Variants in SLC39A14 observed in about 807,000 individuals in gnomAD.
SLC39A14 encodes the protein metal cation symporter ZIP14.
SLC39A14 carries 19 observed loss-of-function variants against 45.5 expected under a neutral mutation model. The ratio of observed to expected loss-of-function variants is 0.42; its 90% confidence interval spans 0.29 to 0.61. SLC39A14 has a LOEUF of 0.61. SLC39A14 is among the 20% of genes least tolerant of loss of function. The probability of loss-of-function intolerance (pLI) is 0.22; values close to 1 mark genes in which losing one functional copy is unlikely to be tolerated. For missense variants in SLC39A14, 447 were observed against 616.5 expected, an observed-to-expected ratio of 0.73 and a Z score of 2.91; for synonymous variants, 264 against 251.3, an observed-to-expected ratio of 1.05 and a Z score of -0.48.
At chr8:22,413,924 C>CA (rs941614922) in intron 4 of SLC39A14, among the ~76,000 whole-genome samples, 3 of 152,016 alleles carry the variant, frequency 2.0e-5, no homozygotes, top group Non-Finnish European at 2.9e-5. Context: ...ACAGGTGTGC[C>CA]ACCAGGCCCA....
intron 1 of SLC39A14, among the ~76,000 whole-genome samples, chr8:22,377,540 A>G (rs1047184558): frequency 6.6e-6 from 1 of 152,208 alleles, no homozygotes; most frequent in African/African-American, 2.4e-5. Context: ...TATGCTAAAG[A>G]ATATGAGTTT....
chr8:22,394,683 C>T (rs1189178718), intron 1 of SLC39A14, among the ~76,000 whole-genome samples: 1 of 152,248 alleles, frequency 6.6e-6, no homozygotes, highest in Non-Finnish European at 1.5e-5. Flanking sequence ...ACCATACTTT[C>T]TGCATTCCTG....
chr8:22,379,927 CAA>C (rs35093772), intron 1 of SLC39A14, among the ~76,000 whole-genome samples: 24 of 87,950 alleles, frequency 2.7e-4, no homozygotes, highest in Middle Eastern at 6.3e-3. Context: ...GACTCCATCT[CAA>C]AAAAAAAAAA....
At chr8:22,410,225 G>T in intron 3 of SLC39A14, 1 of 1,103,748 alleles carries the variant, frequency 9.1e-7, no homozygotes, top group Non-Finnish European at 1.3e-6. Flanking sequence ...TGCCACCTGA[G>T]AAATGAACCT....
At chr8:22,408,568 C>A in intron 3 of SLC39A14, 72 bp downstream of exon 3, 2 of 1,392,190 alleles carry the variant, frequency 1.4e-6, no homozygotes, top group Non-Finnish European at 1.9e-6. Flanking sequence ...CTGGGCTGAG[C>A]TGCTGCTGCT....
chr8:22,417,396 C>T (rs77204684), intron 7 of SLC39A14, among the ~76,000 whole-genome samples: 3 of 152,188 alleles, frequency 2.0e-5, no homozygotes, highest in African/African-American at 7.2e-5. Flanking sequence ...TGTCTTGTCA[C>T]TTCTGTCTTG....
chr8:22,421,063 A>G lies in SLC39A14; in HGVS notation c.*1365A>G, dbSNP rs910958515. On this transcript the variant is annotated 3_prime_UTR_variant, in exon 9 of 9. Transcript: ENST00000381237. ...AGGGGAGCTCTTCTCCAGGTTCACT[A>G]GGTGAATTGATTTATTATTATCATA... 3 of 985,682 alleles carry G rather than the reference A, an allele frequency of 3.0e-6. No individual in the cohort carries two copies. Among genetic ancestry groups the G allele is most frequent in the Middle Eastern group, 5.2e-4 (1 of 1,936 alleles). The allele number at this position is 985,682 out of a possible 1,614,324, so 61.1% of individuals were successfully genotyped here.
intron 1 of SLC39A14, among the ~76,000 whole-genome samples, chr8:22,369,372 G>C (rs1563462548): frequency 6.6e-6 from 1 of 152,174 alleles, no homozygotes; most frequent in Non-Finnish European, 1.5e-5. Flanking sequence ...GAGGACTTGG[G>C]GGCTGGAGCA....
chr8:22,369,834 G>GTTA (rs1390737171), intron 1 of SLC39A14, among the ~76,000 whole-genome samples: 1 of 152,092 alleles, frequency 6.6e-6, no homozygotes, highest in Non-Finnish European at 1.5e-5. Context: ...GGTGGAGTGG[G>GTTA]TTATTTAGGG....
At chr8:22,419,407 C>T in intron 8 of SLC39A14, 145 bp from the exon 9 acceptor site, 2 of 730,962 alleles carry the variant, frequency 2.7e-6, no homozygotes, top group Non-Finnish European at 4.6e-6. Context: ...TGGTCTCGAA[C>T]TCCTGACCTC....
chr8:22,381,013 G>A lies in SLC39A14; in HGVS notation c.-16+13605G>A, dbSNP rs896530815. Among the ~76,000 whole-genome samples, 116 of 151,402 alleles carry A rather than the reference G, an allele frequency of 7.7e-4. 1 individual carries two copies. The highest frequency in any genetic ancestry group is 2.5e-3 in the African/African-American group (105 of 41,224). ...TTTTTATACAGAGTCTTGCTCTGTC[G>A]CCCAGGCTAGAGTGCAGTGGCGCAA... On this transcript the variant is annotated intron_variant, in intron 1 of 8. Coordinates refer to ENST00000381237, the MANE Select transcript of SLC39A14 (RefSeq NM_001128431.4).
At position 22,416,298 on chromosome 8, in the gene SLC39A14, G is replaced by A. The variant is rs199563558; in HGVS notation, c.1147+18G>A. The A allele has an allele frequency of 2.0e-5, 32 of 1,608,156 alleles. No homozygotes were observed. The highest frequency in any genetic ancestry group is 2.2e-4 in the Middle Eastern group (1 of 4,634). ...TGAGCTAGGTAAGCGTGCGTCCCCC[G>A]TTCCACTGGTGCTCCCTTGGGTGGT... On this transcript the variant is annotated intron_variant, in intron 7 of 8. Coordinates refer to ENST00000381237, the MANE Select transcript of SLC39A14 (RefSeq NM_001128431.4).
intron 2 of SLC39A14, among the ~76,000 whole-genome samples, chr8:22,405,405 T>G (rs1466513809): frequency 6.6e-6 from 1 of 152,118 alleles, no homozygotes; most frequent in Non-Finnish European, 1.5e-5. Context: ...CCCAGCCACT[T>G]GGGAGGCTGA....
At chr8:22,423,871 TAG>T (rs1309216374), downstream of SLC39A14, among the ~76,000 whole-genome samples, 2 of 150,442 alleles carry the variant, frequency 1.3e-5, no homozygotes, top group Non-Finnish European at 3.0e-5. Flanking sequence ...TATATCTATC[TAG>T]AGAGAGAGAG....
rs146525836 is a variant in SLC39A14 at position 22,377,647 on chromosome 8, C to G, written c.-16+10239C>G. Among the ~76,000 whole-genome samples the G allele has an allele frequency of 4.6e-5, 7 of 152,120 alleles. No individual in the cohort carries two copies. In the East Asian group the frequency reaches 1.4e-3, roughly 29 times the overall value. ...ACTTCTTTCTCCAACAGTGAAAAACCCTCTCAGTCATTTTCTTAGTTGGGG... is the reference window on the plus strand; with the variant it reads ...ACTTCTTTCTCCAACAGTGAAAAACGCTCTCAGTCATTTTCTTAGTTGGGG... On this transcript the variant is annotated intron_variant, in intron 1 of 8. Transcript: ENST00000381237.
At chr8:22,422,794 T>A, downstream of SLC39A14, 1 of 763,626 alleles carries the variant, frequency 1.3e-6, no homozygotes, top group Non-Finnish European at 1.6e-6. Context: ...CAGGTCTGGT[T>A]TAACATTTGA....
intron 1 of SLC39A14, among the ~76,000 whole-genome samples, chr8:22,386,726 T>G (rs925396263): frequency 6.6e-6 from 1 of 152,176 alleles, no homozygotes; most frequent in Non-Finnish European, 1.5e-5. Context: ...ATTTCAACAT[T>G]TCCTCCATTC....
In SLC39A14 at chr8:22,367,340, C is replaced by T. The variant is rs1010959536; in HGVS notation, c.-84C>T. ...CGCGGACGCACCGGCTAAGCTGCTT[C>T]TGCCGCCGCCGGCCGCCTGGGACCT... On this transcript the variant is annotated 5_prime_UTR_variant, in exon 1 of 9. Transcript: ENST00000381237. The surrounding 1 kb of genome is among the most constrained non-coding windows in gnomAD (Gnocchi z 4.2). 6.6e-6 allele frequency: 1 copy of T among 151,910 alleles called. No individual in the cohort carries two copies. The highest frequency in any genetic ancestry group is 1.5e-5 in the Non-Finnish European group (1 of 68,042). 9.4% of individuals were successfully genotyped at this position (151,910 alleles called of 1,614,324 possible).
intron 1 of SLC39A14, among the ~76,000 whole-genome samples, chr8:22,401,534 C>T (rs1834852603): frequency 1.4e-5 from 2 of 140,144 alleles, no homozygotes; most frequent in African/African-American, 2.7e-5. Flanking sequence ...TTCTCTTTCT[C>T]TTCTCTTTCT....
Sources: gnomAD v4.1 joint callset for allele counts (sites outside exome capture counted in the v4.1 genomes callset) on GRCh38, gnomAD v4.1.1 for gene constraint, Gnocchi (gnomAD v3.1) non-coding constraint, MANE v1.5 for transcripts, NCBI Gene and HGNC (gene_info 2026-07-23, HGNC 2026-07-21) for gene names.